The following DHX32 variants were observed in gnomAD, a reference collection of about 807,000 sequenced individuals.
DHX32 encodes the protein putative pre-mRNA-splicing factor ATP-dependent RNA helicase DHX32.
In DHX32, 51 loss-of-function variants were observed where a neutral mutation model predicts 70.0. That is an observed-to-expected ratio of 0.73 (90% CI 0.58 to 0.92). The LOEUF (loss-of-function observed/expected upper bound fraction) is 0.92. DHX32 is among the 40% of genes least tolerant of loss of function. DHX32 has a pLI of 0.00. For missense variants in DHX32, 762 were observed against 891.8 expected, an observed-to-expected ratio of 0.85 and a Z score of 1.85; for synonymous variants, 310 against 315.3, an observed-to-expected ratio of 0.98 and a Z score of 0.18.
chr10:125,838,923 T>G, intron 9 of DHX32, 78 bp downstream of exon 9: 28 of 1,425,742 alleles, frequency 2.0e-5, no homozygotes, highest in Non-Finnish European at 2.5e-5. Flanking sequence ...ATCATCATCC[T>G]AAGCCATTGT....
At chr10:125,861,016 T>A (rs1944184696) in intron 2 of DHX32, among the ~76,000 whole-genome samples, 1 of 151,780 alleles carries the variant, frequency 6.6e-6, no homozygotes, top group Admixed American at 6.6e-5. Context: ...CCTCCCAAAG[T>A]GCTGGGATTA....
chr10:125,877,527 A>G (rs1413403945), intron 1 of DHX32, among the ~76,000 whole-genome samples: 2 of 152,092 alleles, frequency 1.3e-5, no homozygotes, highest in East Asian at 3.9e-4. Flanking sequence ...ACTCTACTAA[A>G]AATACAAAAA....
chr10:125,836,663 C>T lies in DHX32; in HGVS notation c.*24G>A, dbSNP rs765297092. 18 of 1,610,676 alleles carry T rather than the reference C, an allele frequency of 1.1e-5. No homozygotes were observed. The highest frequency in any genetic ancestry group is 5.1e-6 in the Non-Finnish European group (6 of 1,177,784). ...CCATCCAGCTACCTTTGGGACCCTG[C>T]TGCACCTTGTGTTTGCTGGGGAGTC... On this transcript the variant is annotated 3_prime_UTR_variant, in exon 11 of 11. Coordinates refer to ENST00000284690, the MANE Select transcript of DHX32 (RefSeq NM_018180.3).
rs767302873 is a variant in DHX32 at position 125,839,090 on chromosome 10, T to C, written c.1792A>G (p.Ile598Val). 6.2e-7 allele frequency: 1 copy of C among 1,614,248 alleles called. No individual in the cohort carries two copies. The highest frequency in any genetic ancestry group is 1.1e-5 in the South Asian group (1 of 91,092). ...GCAGGTTCTGCATAGGGAAGCTCGA[T>C]TCGCTTGATAATTTCTAAGAGTTCA... The part of the protein sequence containing the change: ...RAELLEIIKR[I>V]ELPYAEPAFG... Residue 598 changes from isoleucine (I) to valine (V), a missense_variant, in exon 9 of 11, where the codon ATC becomes GTC. Physicochemically the swap from Ile to Val is conservative, Grantham distance 29. Coordinates refer to ENST00000284690, the MANE Select transcript of DHX32 (RefSeq NM_018180.3).
At position 125,880,629 on chromosome 10, in the gene DHX32, T is replaced by G; in HGVS notation, c.196A>C (p.Lys66Gln). The change falls in exon 1 of 11, where the codon AAA becomes CAA. Residue 66 changes from lysine to glutamine, a missense_variant. By Grantham distance (53) the Lys-to-Gln change is moderately conservative. Transcript: ENST00000284690. ...TTCTCCATAAAGGAGTATTTTTCTT[T>G]CCATATAGGAAGATCTTCTCTTTCT... ...LKEREDLPIW[K>Q]EKYSFMENLL... is the part of the protein sequence containing the mutation. 1 of 1,614,186 alleles carries G rather than the reference T, an allele frequency of 6.2e-7. No homozygotes were observed. The highest frequency in any genetic ancestry group is 8.5e-7 in the Non-Finnish European group (1 of 1,180,026).
chr10:125,871,593 G>A (rs147422149), intron 1 of DHX32, among the ~76,000 whole-genome samples: 4 of 152,302 alleles, frequency 2.6e-5, no homozygotes, highest in African/African-American at 9.6e-5. Flanking sequence ...GAAACCATCT[G>A]CCTTATTTGT....
In DHX32 at chr10:125,840,938, C is replaced by G; in HGVS notation, c.1602G>C (p.Trp534Cys). 1 of 1,612,486 alleles carries G rather than the reference C, an allele frequency of 6.2e-7. No homozygotes were observed. Among genetic ancestry groups the G allele is most frequent in the East Asian group, 2.2e-5 (1 of 44,830 alleles). Residue 534 changes from tryptophan (W) to cysteine (C), a missense_variant, in exon 8 of 11, where the codon TGG becomes TGC. By Grantham distance (215) the Trp-to-Cys change is radical. Around this residue, in one of 3 missense-constraint regions of DHX32, gnomAD observed 366 missense variants for 402.6 expected, o/e 0.91. Coordinates refer to ENST00000284690, the MANE Select transcript of DHX32 (RefSeq NM_018180.3). ...CTCCTTCGGGATGTAAAAATGTCTT[C>G]CAACAAGTCAAGGCAGCCTCTTCAG... is the stretch of plus-strand genomic sequence containing the variant. The part of the protein sequence containing the change: ...HGAEEAALTC[W>C]KTFLHPEGDH...
chr10:125,890,686 C>A (rs1474700963), intron 1 of DHX32: 6 of 152,248 alleles, frequency 3.9e-5, no homozygotes. Context: ...GATGAATATA[C>A]AGTATTGAAT....
At chr10:125,861,942 G>T (rs1265143276) in intron 2 of DHX32, among the ~76,000 whole-genome samples, 1 of 150,272 alleles carries the variant, frequency 6.7e-6, no homozygotes, top group Admixed American at 6.6e-5. Flanking sequence ...AAAAAAAAAG[G>T]AAGTAAACAA....
chr10:125,877,988 C>T lies in DHX32; in HGVS notation c.282+2555G>A, dbSNP rs191446377. Among the ~76,000 whole-genome samples the T allele has an allele frequency of 7.8e-4, 119 of 152,184 alleles. 2 individuals are homozygous for T. The East Asian group carries it at 9.3e-3, about 12-fold the overall frequency. ...ATATGGTCTATTCTAATTCTTACAT[C>T]GCGAGAATCTAGAAATGAATTTCAT... On this transcript the variant is annotated intron_variant, in intron 1 of 10. Coordinates refer to ENST00000284690, the MANE Select transcript of DHX32 (RefSeq NM_018180.3).
chr10:125,879,306 G>A (rs1406909384), intron 1 of DHX32, among the ~76,000 whole-genome samples: 1 of 152,018 alleles, frequency 6.6e-6, no homozygotes, highest in Non-Finnish European at 1.5e-5. Context: ...TTATAGGTGT[G>A]AACCACTGCA....
intron 6 of DHX32, chr10:125,842,943 A>G (rs987085189): frequency 3.4e-6 from 1 of 295,824 alleles, no homozygotes; most frequent in Non-Finnish European, 5.0e-6. Flanking sequence ...GAATAAGGCT[A>G]TATATAGATT....
chr10:125,889,574 G>A (rs1404037225), intron 1 of DHX32, among the ~76,000 whole-genome samples: 1 of 152,270 alleles, frequency 6.6e-6, no homozygotes, highest in Admixed American at 6.5e-5. Context: ...TTTTTAAAAA[G>A]TCAGCTGAAC....
chr10:125,849,498 A>T (rs954986043), intron 6 of DHX32, among the ~76,000 whole-genome samples: 28 of 152,190 alleles, frequency 1.8e-4, no homozygotes, highest in Non-Finnish European at 3.5e-4. Flanking sequence ...ATCTGAGTAT[A>T]GTAGTAACTT....
At chr10:125,838,681 C>G (rs954279829) in intron 9 of DHX32, among the ~76,000 whole-genome samples, 1 of 152,172 alleles carries the variant, frequency 6.6e-6, no homozygotes, top group Non-Finnish European at 1.5e-5. Flanking sequence ...ACCCACCATA[C>G]TATGGGCGAC....
At chr10:125,852,966 G>C (rs909389265) in intron 4 of DHX32, among the ~76,000 whole-genome samples, 3 of 152,124 alleles carry the variant, frequency 2.0e-5, no homozygotes, top group African/African-American at 4.8e-5. Context: ...ATGTCACACA[G>C]AGAAAGGGTT....
intron 10 of DHX32, 57 bp from the exon 11 acceptor site, chr10:125,836,912 C>T: frequency 6.7e-7 from 1 of 1,500,218 alleles, no homozygotes; most frequent in South Asian, 1.2e-5. Flanking sequence ...TGAGAGACAC[C>T]AAACATTATG....
At chr10:125,850,738 ACTTTT>A (rs1589708676) in intron 6 of DHX32, among the ~76,000 whole-genome samples, 2 of 152,140 alleles carry the variant, frequency 1.3e-5, no homozygotes, top group Admixed American at 6.5e-5. Context: ...GTTTGGGTTC[ACTTTT>A]CTTTTCATAA....
At chr10:125,885,732 G>A (rs1944337503), upstream of DHX32, among the ~76,000 whole-genome samples, 2 of 152,118 alleles carry the variant, frequency 1.3e-5, no homozygotes, top group South Asian at 4.1e-4. Flanking sequence ...AGAAGCAATA[G>A]AAAACTAATA....
Sources: allele counts gnomAD v4.1 joint callset (sites outside exome capture counted in the v4.1 genomes callset), GRCh38; gene constraint gnomAD v4.1.1; regional missense constraint gnomAD v4.1.1; transcripts MANE v1.5; gene names NCBI Gene and HGNC (gene_info 2026-07-23, HGNC 2026-07-21).